MAP2: variants seen among roughly 807,000 people sequenced by gnomAD.
The protein encoded by MAP2 is microtubule-associated protein 2.
In MAP2, 14 loss-of-function variants were observed where a neutral mutation model predicts 137.6. The observed-to-expected ratio is 0.10, with a 90% CI of 0.07 to 0.16. The LOEUF (loss-of-function observed/expected upper bound fraction) is 0.16, where lower values mean the gene tolerates loss of function less well. Among genes scored for constraint, MAP2 ranks in the 10% least tolerant of loss-of-function variants. The pLI is 1.00. For synonymous variants in MAP2, 786 were observed against 782.3 expected, an observed-to-expected ratio of 1.00 and a Z score of -0.08; for missense variants, 2,088 against 2,191.5, an observed-to-expected ratio of 0.95 and a Z score of 0.94.
intron 3 of MAP2, among the ~76,000 whole-genome samples, chr2:209,620,910 G>A (rs1016221776): frequency 5.9e-5 from 9 of 151,936 alleles, no homozygotes; most frequent in African/African-American, 9.7e-5. Context: ...AACACTATTC[G>A]GAGGCCAGGC....
At position 209,696,034 on chromosome 2, in the gene MAP2, G is replaced by C; in HGVS notation, c.3864G>C (p.Glu1288Asp). 6.2e-7 allele frequency: 1 copy of C among 1,614,102 alleles called. No homozygotes were observed. The highest frequency in any genetic ancestry group is 1.7e-5 in the Admixed American group (1 of 60,014). Reference protein sequence around the residue: ...KGVIESVVTIEDDFITVVQTT... With the variant: ...KGVIESVVTIDDDFITVVQTT... Reference sequence around the variant, plus strand: ...TGATTGAGTCTGTTGTGACCATCGAGGATGATTTCATCACTGTAGTGCAAA... The same window carrying C: ...TGATTGAGTCTGTTGTGACCATCGACGATGATTTCATCACTGTAGTGCAAA... Residue 1288 changes from glutamate (E) to aspartate (D), a missense_variant, in exon 8 of 16, where the codon GAG (glutamate) becomes GAC (aspartate). Coordinates refer to ENST00000682079, the MANE Select transcript of MAP2 (RefSeq NM_001375505.1).
chr2:209,710,074 C>T lies in MAP2; in HGVS notation c.4893C>T (p.Thr1631=). ...SYPRTPHTPG[T]PKSAILVPSE... is the part of the protein sequence containing the mutation. Reference sequence around the variant, plus strand: ...CCAGGACCCCTCACACACCAGGAACCCCCAAGTCTGCCATCTTGGTGCCGA... The same window carrying T: ...CCAGGACCCCTCACACACCAGGAACTCCCAAGTCTGCCATCTTGGTGCCGA... Residue 1631 remains threonine (T), a synonymous_variant, in exon 13 of 16, where the codon ACC becomes ACT. Coordinates refer to ENST00000682079, the MANE Select transcript of MAP2 (RefSeq NM_001375505.1). The T allele has an allele frequency of 1.9e-6, 3 of 1,613,980 alleles. No homozygotes were observed. The highest frequency in any genetic ancestry group is 2.5e-6 in the Non-Finnish European group (3 of 1,180,004).
chr2:209,576,612 A>T (rs905462034), intron 2 of MAP2, among the ~76,000 whole-genome samples: 3 of 152,002 alleles, frequency 2.0e-5, no homozygotes, highest in African/African-American at 7.2e-5. Context: ...CTTTTTTTCC[A>T]TTCCCAGAAC....
chr2:209,683,729 C>T (rs767656112), intron 7 of MAP2, among the ~76,000 whole-genome samples: 1 of 151,994 alleles, frequency 6.6e-6, no homozygotes, highest in African/African-American at 2.4e-5. Context: ...GGATTATTTA[C>T]CCTCCTTGAT....
Position 209,696,985 on chromosome 2 carries a change from A to C in MAP2, c.4456A>C (p.Ile1486Leu). The C allele has an allele frequency of 6.2e-7, 1 of 1,613,540 alleles. No homozygotes were observed. The highest frequency in any genetic ancestry group is 8.5e-7 in the Non-Finnish European group (1 of 1,179,894). ...VQAHSPSRKF[I>L]LKPAIKYTRP... ...GGCCCACTCTCCCTCCAGGAAATTCATTTTAAAACCTGCTATCAAATATAC... is the reference window on the plus strand; with the variant it reads ...GGCCCACTCTCCCTCCAGGAAATTCCTTTTAAAACCTGCTATCAAATATAC... Residue 1486 changes from isoleucine (I) to leucine (L), a missense_variant, in exon 10 of 16, where the codon ATT (isoleucine) becomes CTT (leucine). This residue lies in a region of MAP2 where 591 missense variants were observed against 642.6 expected (regional missense o/e 0.92). Coordinates refer to ENST00000682079, the MANE Select transcript of MAP2 (RefSeq NM_001375505.1).
At chr2:209,565,144 T>G (rs2073108173) in intron 2 of MAP2, among the ~76,000 whole-genome samples, 1 of 152,190 alleles carries the variant, frequency 6.6e-6, no homozygotes. Context: ...TAACAACTCT[T>G]TTTCATTGAT....
At chr2:209,494,171 A>T (rs2059462348) in intron 1 of MAP2, among the ~76,000 whole-genome samples, 1 of 152,114 alleles carries the variant, frequency 6.6e-6, no homozygotes, top group Non-Finnish European at 1.5e-5. Flanking sequence ...TTCTCAGCAA[A>T]CTAACACAGG....
intron 12 of MAP2, among the ~76,000 whole-genome samples, chr2:209,708,140 T>C (rs1306307463): frequency 2.0e-5 from 3 of 152,150 alleles, no homozygotes; most frequent in Non-Finnish European, 4.4e-5. Context: ...AAATAATGTT[T>C]CTGGAGAAAG....
rs912629453 is a variant in MAP2, at chr2:209,732,070, A to T, written c.*1673A>T. 1 of 152,210 alleles carries T rather than the reference A, an allele frequency of 6.6e-6. No individual in the cohort carries two copies. Among genetic ancestry groups the T allele is most frequent in the African/African-American group, 2.4e-5 (1 of 41,450 alleles). 9.4% of individuals were successfully genotyped at this position (152,210 alleles called of 1,614,324 possible). Reference sequence around the variant, plus strand: ...CCAGGCTAGATGGACACTTTTTAAAAATTTTATCTGTTCTTTTTCTTGCTC... The same window carrying T: ...CCAGGCTAGATGGACACTTTTTAAATATTTTATCTGTTCTTTTTCTTGCTC... On this transcript the variant is annotated 3_prime_UTR_variant, in exon 16 of 16. Transcript: ENST00000682079.
chr2:209,432,969 G>T (rs1396967517), intron 1 of MAP2, among the ~76,000 whole-genome samples: 3 of 152,102 alleles, frequency 2.0e-5, no homozygotes, highest in Admixed American at 6.6e-5. Flanking sequence ...ACTTGGGAGG[G>T]ATTCACTGTC....
chr2:209,465,603 T>C (rs758700282), intron 1 of MAP2, among the ~76,000 whole-genome samples: 13 of 152,244 alleles, frequency 8.5e-5, no homozygotes, highest in Non-Finnish European at 1.9e-4. Flanking sequence ...CATTCAGTAG[T>C]CTCAGTTATT....
chr2:209,455,206 C>T (rs563930567), intron 1 of MAP2, among the ~76,000 whole-genome samples: 2 of 152,274 alleles, frequency 1.3e-5, no homozygotes, highest in African/African-American at 4.8e-5. Flanking sequence ...TTAATGTTTT[C>T]CTTATACAAT....
intron 1 of MAP2, among the ~76,000 whole-genome samples, chr2:209,477,645 C>G (rs971183934): frequency 1.8e-4 from 27 of 152,136 alleles, no homozygotes; most frequent in Admixed American, 6.6e-4. Flanking sequence ...CTCCCCTTCT[C>G]TGCATCCCTT....
At chr2:209,649,025 C>A (rs1482301947) in intron 4 of MAP2, among the ~76,000 whole-genome samples, 1 of 151,954 alleles carries the variant, frequency 6.6e-6, no homozygotes, top group Non-Finnish European at 1.5e-5. Flanking sequence ...TTTGTCTTCA[C>A]TTTTTTATTT....
At chr2:209,676,608 C>T (rs946563954) in intron 5 of MAP2, among the ~76,000 whole-genome samples, 2 of 150,678 alleles carry the variant, frequency 1.3e-5, no homozygotes, top group South Asian at 2.1e-4. Context: ...GGAGATAAGC[C>T]ATGTGAACCA....
At chr2:209,570,487 A>G (rs1296860157) in intron 2 of MAP2, among the ~76,000 whole-genome samples, 1 of 151,880 alleles carries the variant, frequency 6.6e-6, no homozygotes, top group Non-Finnish European at 1.5e-5. Context: ...ACTCAAAAAG[A>G]CTGGCACTTT....
intron 3 of MAP2, among the ~76,000 whole-genome samples, chr2:209,606,991 A>G (rs2084989547): frequency 6.6e-6 from 1 of 152,120 alleles, no homozygotes. Context: ...ATATATTTTG[A>G]AAGTATTTTA....
At chr2:209,625,592 A>G (rs2092159161) in intron 4 of MAP2, among the ~76,000 whole-genome samples, 2 of 152,158 alleles carry the variant, frequency 1.3e-5, no homozygotes, top group Non-Finnish European at 2.9e-5. Flanking sequence ...GCAGGGATTC[A>G]CCTGAGATTG....
intron 11 of MAP2, chr2:209,704,745 C>A: frequency 1.3e-6 from 1 of 776,342 alleles, no homozygotes; most frequent in Non-Finnish European, 1.9e-6. Context: ...GACACATAAA[C>A]AGTAGGCCCT....
Sources: allele counts gnomAD v4.1 joint callset (sites outside exome capture counted in the v4.1 genomes callset), GRCh38; gene constraint gnomAD v4.1.1; regional missense constraint gnomAD v4.1.1; transcripts MANE v1.5; gene names NCBI Gene and HGNC (gene_info 2026-07-23, HGNC 2026-07-21).